TPTE2: variants seen among roughly 807,000 people sequenced by gnomAD.
TPTE2 encodes phosphatidylinositol 3,4,5-trisphosphate 3-phosphatase TPTE2.
A neutral mutation model predicts 78.6 loss-of-function variants in TPTE2; 53 were observed. That is an observed-to-expected ratio of 0.67 (90% confidence interval 0.54 to 0.85). The LOEUF is 0.85. TPTE2 is among the 40% of genes least tolerant of loss of function. TPTE2 has a pLI of 0.00. For synonymous variants in TPTE2, 175 were observed against 206.2 expected, an observed-to-expected ratio of 0.85 and a Z score of 1.30; for missense variants, 461 against 623.0, an observed-to-expected ratio of 0.74 and a Z score of 2.77.
intron 1 of TPTE2, chr13:19,536,540 T>C (rs560539416): frequency 1.6e-4 from 24 of 152,322 alleles, no homozygotes; most frequent in African/African-American, 4.1e-4. Context: ...ATTCAAAATT[T>C]GGCTTTTGAA....
intron 1 of TPTE2, among the ~76,000 whole-genome samples, chr13:19,526,951 AACAGATT>A (rs1183155445): frequency 6.6e-6 from 1 of 152,214 alleles, no homozygotes; most frequent in Admixed American, 6.5e-5. Context: ...CTGGAAAACC[AACAGATT>A]ACATGTCAGA....
At chr13:19,424,200 T>G (rs1875830050) in intron 19 of TPTE2, among the ~76,000 whole-genome samples, 1 of 152,178 alleles carries the variant, frequency 6.6e-6, no homozygotes, top group South Asian at 2.1e-4. Context: ...CCTAAATCAT[T>G]TAAAAAATAT....
At chr13:19,457,966 G>T (rs1220162213) in intron 10 of TPTE2, among the ~76,000 whole-genome samples, 1 of 151,920 alleles carries the variant, frequency 6.6e-6, no homozygotes, top group Non-Finnish European at 1.5e-5. Flanking sequence ...ACAAAATACA[G>T]GTGCATCTTG....
chr13:19,537,624 C>A (rs1432573903), upstream of TPTE2, among the ~76,000 whole-genome samples: 11 of 146,798 alleles, frequency 7.5e-5, no homozygotes, highest in African/African-American at 2.8e-4. Context: ...TTTTTTTGAG[C>A]CAGAGTCTCA....
Position 19,500,205 on chromosome 13 carries a change from G to C in TPTE2, c.11+3019C>G, listed in dbSNP as rs1342689609. On this transcript the variant is annotated intron_variant, in intron 1 of 19. Transcript: ENST00000400230. ...TCCAGGACCAGATGGATTCACAGCT[G>C]AATTCTACCAGAGGTACAAGGAGGA... Among the ~76,000 whole-genome samples, 60 of 150,738 alleles carry C rather than the reference G, an allele frequency of 4.0e-4. 1 individual carries two copies. The highest frequency in any genetic ancestry group is 1.3e-3 in the African/African-American group (53 of 40,970).
At chr13:19,450,864 C>T (rs1878130563) in intron 11 of TPTE2, among the ~76,000 whole-genome samples, 2 of 152,094 alleles carry the variant, frequency 1.3e-5, no homozygotes, top group Admixed American at 1.3e-4. Context: ...CACAATCTGG[C>T]AGGAAAAACA....
chr13:19,454,941 G>A (rs1345332237), intron 10 of TPTE2, among the ~76,000 whole-genome samples: 10 of 152,280 alleles, frequency 6.6e-5, no homozygotes, highest in Admixed American at 6.5e-4. Context: ...ATCAAGAGAT[G>A]TTTTCCCCAT....
At chr13:19,472,080 T>C (rs999507781) in intron 6 of TPTE2, among the ~76,000 whole-genome samples, 12 of 152,236 alleles carry the variant, frequency 7.9e-5, no homozygotes, top group African/African-American at 2.4e-4. Context: ...TTCTTTTCTC[T>C]TGCTGCTTTT....
At chr13:19,526,555 GGGCCTACTTGAGGGTTGGA>G (rs1247874567) in intron 1 of TPTE2, among the ~76,000 whole-genome samples, 3 of 152,036 alleles carry the variant, frequency 2.0e-5, no homozygotes, top group Non-Finnish European at 2.9e-5. Context: ...ACAGACATTG[GGGCCTACTTGAGGGTTGGA>G]GGCTGGAGGA....
intron 17 of TPTE2, among the ~76,000 whole-genome samples, chr13:19,430,114 A>G (rs1323793283): frequency 6.6e-6 from 1 of 152,208 alleles, no homozygotes; most frequent in East Asian, 1.9e-4. Flanking sequence ...GCTATATAAT[A>G]AAAGATCAAA....
At chr13:19,484,907 A>G (rs1880568251) in intron 3 of TPTE2, among the ~76,000 whole-genome samples, 1 of 152,102 alleles carries the variant, frequency 6.6e-6, no homozygotes, top group Non-Finnish European at 1.5e-5. Flanking sequence ...GATAAAATAT[A>G]GTTAGGTCTT....
chr13:19,442,065 T>C (rs562084545), intron 13 of TPTE2, among the ~76,000 whole-genome samples: 3 of 152,048 alleles, frequency 2.0e-5, no homozygotes, highest in South Asian at 2.1e-4. Context: ...AGTAGGAAAA[T>C]AGAAGAGTTA....
At chr13:19,537,259 G>A (rs548876632), upstream of TPTE2, among the ~76,000 whole-genome samples, 5 of 146,560 alleles carry the variant, frequency 3.4e-5, no homozygotes, top group South Asian at 8.6e-4. Flanking sequence ...TTGAGATGGA[G>A]TTTTGCTCTT....
At chr13:19,460,880 TA>T (rs757831553) in intron 10 of TPTE2, among the ~76,000 whole-genome samples, 1 of 152,218 alleles carries the variant, frequency 6.6e-6, no homozygotes, top group East Asian at 1.9e-4. Context: ...CCACAGAGCC[TA>T]AAGCCATATG....
chr13:19,443,062 C>A (rs970604967), intron 13 of TPTE2, among the ~76,000 whole-genome samples: 8 of 151,854 alleles, frequency 5.3e-5, no homozygotes, highest in Non-Finnish European at 1.2e-4. Context: ...TTTGAAAAAA[C>A]TATGAGAAAG....
intron 6 of TPTE2, among the ~76,000 whole-genome samples, chr13:19,467,796 C>T (rs898821847): frequency 6.6e-6 from 1 of 151,620 alleles, no homozygotes; most frequent in Non-Finnish European, 1.5e-5. Context: ...TTTTTTTGTA[C>T]CCATTAGCCA....
At chr13:19,503,333 T>G, upstream of TPTE2, 1 of 1,589,836 alleles carries the variant, frequency 6.3e-7, no homozygotes, top group Non-Finnish European at 8.6e-7. Context: ...AAATTTACTT[T>G]TCTCGTAAAA....
intron 19 of TPTE2, among the ~76,000 whole-genome samples, chr13:19,423,733 T>C (rs1252954435): frequency 2.0e-5 from 3 of 152,220 alleles, no homozygotes; most frequent in East Asian, 1.9e-4. Flanking sequence ...AAGTAGTATG[T>C]AAATTTAAAT....
At chr13:19,528,654 T>A (rs1227069312) in intron 1 of TPTE2, among the ~76,000 whole-genome samples, 1 of 152,192 alleles carries the variant, frequency 6.6e-6, no homozygotes, top group African/African-American at 2.4e-5. Flanking sequence ...AAATTATTCC[T>A]CCAGTTCTCG....
Sources: gnomAD v4.1 joint callset for allele counts (sites outside exome capture counted in the v4.1 genomes callset) on GRCh38, gnomAD v4.1.1 for gene constraint, MANE v1.5 for transcripts, NCBI Gene and HGNC (gene_info 2026-07-23, HGNC 2026-07-21) for gene names.